Variants in TPD52L1 observed in about 807,000 individuals in gnomAD.
The protein encoded by TPD52L1 is tumor protein D53.
A neutral mutation model predicts 28.7 loss-of-function variants in TPD52L1; 18 were observed. That is an observed-to-expected ratio of 0.63 (90% CI 0.43 to 0.93). TPD52L1 has a LOEUF of 0.93. TPD52L1 is among the 40% of genes least tolerant of loss of function. The pLI is 0.00. For missense variants in TPD52L1, 203 were observed against 254.8 expected, an observed-to-expected ratio of 0.80 and a Z score of 1.39; for synonymous variants, 75 against 88.8, an observed-to-expected ratio of 0.84 and a Z score of 0.88.
intron 4 of TPD52L1, among the ~76,000 whole-genome samples, chr6:125,250,214 T>C (rs752799293): frequency 6.6e-6 from 1 of 152,208 alleles, no homozygotes; most frequent in Non-Finnish European, 1.5e-5. Flanking sequence ...ACTAGAATAG[T>C]GCTTCTGCAT....
At chr6:125,163,720 G>A (rs1790680437) in intron 1 of TPD52L1, among the ~76,000 whole-genome samples, 1 of 151,636 alleles carries the variant, frequency 6.6e-6, no homozygotes, top group South Asian at 2.1e-4. Context: ...GAGGTCAGGA[G>A]CTCAAGACCA....
intron 6 of TPD52L1, 164 bp from the exon 7 acceptor site, chr6:125,262,670 T>C: frequency 1.1e-6 from 1 of 926,574 alleles, no homozygotes; most frequent in Non-Finnish European, 1.6e-6. Flanking sequence ...TGAATAATAT[T>C]CTAGCACTCT....
At chr6:125,231,050 C>G (rs1346196772) in intron 3 of TPD52L1, among the ~76,000 whole-genome samples, 1 of 152,226 alleles carries the variant, frequency 6.6e-6, no homozygotes, top group Non-Finnish European at 1.5e-5. Flanking sequence ...TGTCTTTCCA[C>G]TTTCGTGGCC....
At chr6:125,162,406 A>C (rs1790580922) in intron 1 of TPD52L1, among the ~76,000 whole-genome samples, 1 of 152,214 alleles carries the variant, frequency 6.6e-6, no homozygotes, top group Non-Finnish European at 1.5e-5. Context: ...AAAAACTTAT[A>C]AGCAAAGGAG....
intron 1 of TPD52L1, among the ~76,000 whole-genome samples, chr6:125,182,582 G>C (rs2114825532): frequency 6.6e-6 from 1 of 152,176 alleles, no homozygotes; most frequent in Middle Eastern, 3.4e-3. Flanking sequence ...CTTTGCTTCT[G>C]GAGTAAATGA....
In TPD52L1 at chr6:125,257,073, G is replaced by A. The variant is rs1017011618; in HGVS notation, c.426-25G>A. 16 of 1,604,328 alleles carry A rather than the reference G, an allele frequency of 1.0e-5. No homozygotes were observed. The African/African-American group carries it at 2.1e-4, about 21-fold the overall frequency. ...CTAAGACAGCTAGGCCTTTGGAGCT[G>A]ACCTCTCTCTTTTTGTTATTTTAGG... On this transcript the variant is annotated intron_variant, in intron 5 of 6. Transcript: ENST00000534000.
intron 2 of TPD52L1, among the ~76,000 whole-genome samples, chr6:125,224,792 A>G (rs1353787283): frequency 6.6e-6 from 1 of 152,224 alleles, no homozygotes; most frequent in African/African-American, 2.4e-5. Context: ...AAACTGAAAA[A>G]CAAATTTTAT....
At chr6:125,205,657 G>A (rs746324151) in intron 1 of TPD52L1, among the ~76,000 whole-genome samples, 1 of 152,078 alleles carries the variant, frequency 6.6e-6, no homozygotes, top group South Asian at 2.1e-4. Context: ...CCACCCTTTA[G>A]GACCATGTGG....
chr6:125,165,949 T>A (rs1387701109), intron 1 of TPD52L1, among the ~76,000 whole-genome samples: 1 of 152,212 alleles, frequency 6.6e-6, no homozygotes, highest in Non-Finnish European at 1.5e-5. Context: ...TTAAAATAAA[T>A]AAGTCATAGG....
chr6:125,259,765 G>A (rs1797805564), intron 6 of TPD52L1, among the ~76,000 whole-genome samples: 1 of 152,214 alleles, frequency 6.6e-6, no homozygotes, highest in African/African-American at 2.4e-5. Context: ...TGTATTATGA[G>A]AGATTAGGAA....
intron 1 of TPD52L1, among the ~76,000 whole-genome samples, chr6:125,202,693 TAA>T (rs1455021417): frequency 6.6e-6 from 1 of 151,966 alleles, no homozygotes; most frequent in East Asian, 1.9e-4. Flanking sequence ...TATAATATAA[TAA>T]GTGAGACTGT....
chr6:125,169,693 C>T (rs992190177), intron 1 of TPD52L1, among the ~76,000 whole-genome samples: 3 of 152,142 alleles, frequency 2.0e-5, no homozygotes, highest in African/African-American at 7.2e-5. Flanking sequence ...ATCTCCCATG[C>T]GCATTACTGC....
At chr6:125,191,768 C>T (rs931783454) in intron 1 of TPD52L1, among the ~76,000 whole-genome samples, 3 of 152,144 alleles carry the variant, frequency 2.0e-5, no homozygotes, top group Middle Eastern at 3.2e-3. Context: ...CCTCAGTGGC[C>T]TTCAGATACC....
intron 1 of TPD52L1, chr6:125,203,522 G>T: frequency 2.0e-6 from 1 of 489,020 alleles, no homozygotes; most frequent in Non-Finnish European, 2.7e-6. Flanking sequence ...GTAGGAAATT[G>T]GAGGAGCTGA....
rs546767949 is a variant in TPD52L1 at position 125,246,830 on chromosome 6, C to T, written c.285-1452C>T. Among the ~76,000 whole-genome samples the T allele has an allele frequency of 4.6e-5, 7 of 151,768 alleles. No homozygotes were observed. The East Asian group carries it at 1.4e-3, about 30-fold the overall frequency. ...CCCTAGTCACCAGATTCTTCCTTGA[C>T]CCTTATTCTGCTTGGTCTTTTCATT... On this transcript the variant is annotated intron_variant, in intron 3 of 6. Transcript: ENST00000534000.
intron 1 of TPD52L1, among the ~76,000 whole-genome samples, chr6:125,156,610 A>C (rs965773683): frequency 4.6e-5 from 7 of 152,184 alleles, no homozygotes; most frequent in South Asian, 2.1e-4. Context: ...TCTCCACAAA[A>C]AATACAAAAA....
intron 3 of TPD52L1, among the ~76,000 whole-genome samples, chr6:125,243,030 G>T (rs1457853045): frequency 1.3e-5 from 2 of 152,014 alleles, no homozygotes; most frequent in Non-Finnish European, 2.9e-5. Flanking sequence ...GTCTGCAAAA[G>T]ACTTTCTCTC....
At chr6:125,184,134 G>A (rs1792420518) in intron 1 of TPD52L1, among the ~76,000 whole-genome samples, 1 of 152,066 alleles carries the variant, frequency 6.6e-6, no homozygotes, top group African/African-American at 2.4e-5. Context: ...GAGCTTTCAT[G>A]AACAACTCTC....
intron 6 of TPD52L1, among the ~76,000 whole-genome samples, chr6:125,259,698 G>A (rs1194102343): frequency 6.6e-6 from 1 of 152,100 alleles, no homozygotes; most frequent in Non-Finnish European, 1.5e-5. Flanking sequence ...ATATGGCCTG[G>A]ACCAAAACCT....
Sources: allele counts gnomAD v4.1 joint callset (sites outside exome capture counted in the v4.1 genomes callset), GRCh38; gene constraint gnomAD v4.1.1; transcripts MANE v1.5; gene names NCBI Gene and HGNC (gene_info 2026-07-23, HGNC 2026-07-21).